The following SCMH1 variants were observed in gnomAD, a reference collection of about 807,000 sequenced individuals.
SCMH1 encodes the protein Scm polycomb group protein homolog 1, also known as polycomb protein SCMH1.
SCMH1 carries 37 observed loss-of-function variants against 70.8 expected under a neutral mutation model. The observed-to-expected ratio is 0.52, with a 90% confidence interval of 0.40 to 0.69. SCMH1 has a LOEUF of 0.69. Among genes scored for constraint, SCMH1 ranks in the 30% least tolerant of loss-of-function variants. SCMH1 has a pLI of 0.00. For missense variants in SCMH1, 607 were observed against 827.3 expected, an observed-to-expected ratio of 0.73 and a Z score of 3.27; for synonymous variants, 292 against 307.4, an observed-to-expected ratio of 0.95 and a Z score of 0.52.
intron 1 of SCMH1, among the ~76,000 whole-genome samples, chr1:41,187,642 C>A (rs1650577575): frequency 6.6e-6 from 1 of 151,690 alleles, no homozygotes; most frequent in African/African-American, 2.4e-5. Context: ...TGGTGGCTCA[C>A]ACCTGTAAAG....
chr1:41,118,682 T>C (rs1433681317), intron 6 of SCMH1, among the ~76,000 whole-genome samples: 1 of 152,226 alleles, frequency 6.6e-6, no homozygotes, highest in East Asian at 1.9e-4. Context: ...AGGTTAACTG[T>C]CCATTATCAC....
chr1:41,143,446 C>G (rs1210305820), intron 5 of SCMH1, among the ~76,000 whole-genome samples: 1 of 152,196 alleles, frequency 6.6e-6, no homozygotes, highest in East Asian at 1.9e-4. Context: ...CTTTTTAGGA[C>G]TACTACGTCC....
chr1:41,241,668 G>C (rs1272861508), intron 1 of SCMH1, among the ~76,000 whole-genome samples: 1 of 151,980 alleles, frequency 6.6e-6, no homozygotes, highest in Non-Finnish European at 1.5e-5. Flanking sequence ...AGCCTGCCCC[G>C]GCCCACCCGG....
chr1:41,099,433 T>G (rs933723422), intron 8 of SCMH1, among the ~76,000 whole-genome samples: 2 of 152,226 alleles, frequency 1.3e-5, no homozygotes, highest in Non-Finnish European at 2.9e-5. Flanking sequence ...TTACACTTCA[T>G]AATTCTCAAA....
intron 1 of SCMH1, among the ~76,000 whole-genome samples, chr1:41,187,490 A>G (rs1650553570): frequency 6.6e-6 from 1 of 151,894 alleles, no homozygotes; most frequent in African/African-American, 2.4e-5. Flanking sequence ...CAAAAAACAA[A>G]AAGACTTCAG....
At chr1:41,174,025 A>T (rs1462595069) in intron 2 of SCMH1, among the ~76,000 whole-genome samples, 1 of 152,230 alleles carries the variant, frequency 6.6e-6, no homozygotes, top group Non-Finnish European at 1.5e-5. Flanking sequence ...ATAGCACTAT[A>T]GAGTGACTAT....
At chr1:41,155,550 A>G (rs1249152183) in intron 4 of SCMH1, among the ~76,000 whole-genome samples, 5 of 151,870 alleles carry the variant, frequency 3.3e-5, no homozygotes, top group Admixed American at 3.3e-4. Flanking sequence ...CAGCTGGTCC[A>G]GAGGGTAACA....
intron 1 of SCMH1, among the ~76,000 whole-genome samples, chr1:41,235,944 G>A (rs1401520686): frequency 2.0e-5 from 3 of 152,100 alleles, no homozygotes; most frequent in African/African-American, 7.2e-5. Flanking sequence ...TTTCACTATT[G>A]TATGGAATTC....
At chr1:41,210,625 T>C (rs1050265852) in intron 1 of SCMH1, among the ~76,000 whole-genome samples, 1 of 152,180 alleles carries the variant, frequency 6.6e-6, no homozygotes, top group African/African-American at 2.4e-5. Context: ...CCCTATTTAA[T>C]AAATGGTGCT....
intron 1 of SCMH1, among the ~76,000 whole-genome samples, chr1:41,212,636 T>C (rs1445463596): frequency 6.6e-6 from 1 of 151,980 alleles, no homozygotes; most frequent in Non-Finnish European, 1.5e-5. Context: ...TACTAAATAG[T>C]CCAGTTTTCC....
intron 6 of SCMH1, among the ~76,000 whole-genome samples, chr1:41,121,832 G>A (rs1440589308): frequency 6.6e-6 from 1 of 152,044 alleles, no homozygotes; most frequent in Admixed American, 6.6e-5. Flanking sequence ...CAGTTTAATA[G>A]GTGGCACCCC....
At chr1:41,104,560 T>C (rs1667403554) in intron 8 of SCMH1, among the ~76,000 whole-genome samples, 1 of 152,210 alleles carries the variant, frequency 6.6e-6, no homozygotes, top group African/African-American at 2.4e-5. Flanking sequence ...TTAAGCATTG[T>C]ATGTATGTAT....
At chr1:41,123,140 T>C (rs1557544952) in intron 6 of SCMH1, among the ~76,000 whole-genome samples, 1 of 152,180 alleles carries the variant, frequency 6.6e-6, no homozygotes, top group Non-Finnish European at 1.5e-5. Flanking sequence ...ATGACTGCTG[T>C]AGCCTGGGGA....
At chr1:41,208,677 C>T (rs2148779335) in intron 1 of SCMH1, among the ~76,000 whole-genome samples, 1 of 152,074 alleles carries the variant, frequency 6.6e-6, no homozygotes, top group East Asian at 1.9e-4. Context: ...TCTTTGAAAC[C>T]AATGAGAACA....
At chr1:41,189,262 G>A (rs1365407397) in intron 1 of SCMH1, among the ~76,000 whole-genome samples, 1 of 152,200 alleles carries the variant, frequency 6.6e-6, no homozygotes, top group Non-Finnish European at 1.5e-5. Context: ...CGATTCTCCT[G>A]CCTCAGCCTC....
intron 4 of SCMH1, among the ~76,000 whole-genome samples, chr1:41,154,726 T>C (rs1219564449): frequency 1.3e-5 from 2 of 152,244 alleles, no homozygotes; most frequent in Non-Finnish European, 2.9e-5. Context: ...CGAAGATTAA[T>C]ATTATTAACT....
At position 41,155,922 on chromosome 1, in the gene SCMH1, T is replaced by A. The variant is rs1572688332; in HGVS notation, c.107-4238A>T. 2.1e-5 allele frequency among the ~76,000 whole-genome samples: 3 copies of A among 140,126 alleles called. No homozygotes were observed. In the Admixed American group the frequency reaches 2.3e-4, roughly 11 times the overall value. The allele number at this position is 140,126 out of a possible 152,430, so 91.9% of individuals were successfully genotyped here. A position where few individuals can be genotyped will look rare whatever the true frequency, so the allele number is the denominator to read the frequency against. On this transcript the variant is annotated intron_variant, in intron 4 of 14. Transcript: ENST00000337495. The stretch of plus-strand genomic sequence containing the variant: ...ACTGCTTGAACCCGGGAGGTGGAGG[T>A]TGCAATGAGCTAAGATCGCACCACT...
intron 6 of SCMH1, among the ~76,000 whole-genome samples, chr1:41,131,314 C>T (rs1674646292): frequency 6.6e-6 from 1 of 152,136 alleles, no homozygotes; most frequent in Admixed American, 6.6e-5. Flanking sequence ...GTTTTGAAAT[C>T]AGAAAATGTG....
intron 8 of SCMH1, among the ~76,000 whole-genome samples, chr1:41,107,016 C>CTT (rs879613092): frequency 4.1e-5 from 6 of 145,266 alleles, no homozygotes; most frequent in African/African-American, 1.3e-4. Context: ...CTTGACCATA[C>CTT]TTTTTTTTTT....
Sources: gnomAD v4.1 joint callset for allele counts (sites outside exome capture counted in the v4.1 genomes callset) on GRCh38, gnomAD v4.1.1 for gene constraint, MANE v1.5 for transcripts, NCBI Gene and HGNC (gene_info 2026-07-23, HGNC 2026-07-21) for gene names.